The following MYH7B variants were observed in gnomAD, a reference collection of about 807,000 sequenced individuals.
MYH7B encodes myosin heavy chain 7B, also known as myosin-7B.
In MYH7B, 205 loss-of-function variants were observed where a neutral mutation model predicts 234.5. That is an observed-to-expected ratio of 0.87 (90% CI 0.78 to 0.98). The LOEUF (loss-of-function observed/expected upper bound fraction) is 0.98, where lower values mean the gene tolerates loss of function less well. Ranked by LOEUF, MYH7B falls within the 50% of genes least tolerant of loss-of-function variation. The pLI is 0.00. For synonymous variants in MYH7B, 1,193 were observed against 1,105.0 expected (o/e 1.08, Z -1.58); for missense variants, 2,652 against 2,633.4 (o/e 1.01, Z -0.15).
Position 34,981,063 on chromosome 20 carries a change from G to C in MYH7B, c.527+3G>C, listed in dbSNP as rs1304046749. 6.2e-7 allele frequency: 1 copy of C among 1,613,866 alleles called. No individual in the cohort carries two copies. Among genetic ancestry groups the C allele is most frequent in the Non-Finnish European group, 8.5e-7 (1 of 1,179,962 alleles). ...GACAACCAGTCCATGCTGATCACGT[G>C]AGTGTGGGGCTCTGGGGGTGGGGTG... On this transcript the variant is annotated splice_donor_region_variant and intron_variant, in intron 9 of 44. Transcript: ENST00000262873.
intron 2 of MYH7B, among the ~76,000 whole-genome samples, chr20:34,972,816 G>C (rs78046502): frequency 6.6e-6 from 1 of 152,078 alleles, no homozygotes; most frequent in East Asian, 1.9e-4. Context: ...ATTTTTTGTC[G>C]AGACAGGGTC....
intron 24 of MYH7B, among the ~76,000 whole-genome samples, chr20:34,991,550 C>T (rs1464281698): frequency 6.6e-6 from 1 of 152,168 alleles, no homozygotes; most frequent in Non-Finnish European, 1.5e-5. Flanking sequence ...CTCCAGCAGA[C>T]ATCCTAGAAA....
chr20:34,978,845 A>G (rs986908112), intron 5 of MYH7B, among the ~76,000 whole-genome samples: 2 of 152,210 alleles, frequency 1.3e-5, no homozygotes, highest in Non-Finnish European at 2.9e-5. Context: ...TTGGCAGAGC[A>G]GGGGACACAA....
chr20:34,988,593 A>G (rs1049426086), intron 19 of MYH7B, among the ~76,000 whole-genome samples: 1 of 152,124 alleles, frequency 6.6e-6, no homozygotes, highest in Admixed American at 6.5e-5. Flanking sequence ...ATTTGCAGCC[A>G]CAATTTCACT....
intron 10 of MYH7B, among the ~76,000 whole-genome samples, chr20:34,983,245 TTTTC>T (rs147855925): frequency 0.078 from 11,721 of 150,068 alleles, 541 homozygotes; most frequent in South Asian, 0.12. Flanking sequence ...TTTTCCCCTG[TTTTC>T]TTTCTTTCTT....
Position 34,995,895 on chromosome 20 carries a change from G to A in MYH7B, c.2943+317G>A, listed in dbSNP as rs55792693. On this transcript the variant is annotated intron_variant, in intron 28 of 44. Transcript: ENST00000262873. ...AGCCCCTTGAGGGCAGGAACTCCAT[G>A]TCCCCAGCTCGGCATCCCGCAGGTG... is the stretch of plus-strand genomic sequence containing the variant. 2.3e-3 allele frequency among the ~76,000 whole-genome samples: 352 copies of A among 152,354 alleles called. 2 individuals are homozygous for A. The highest frequency in any genetic ancestry group is 8.1e-3 in the African/African-American group (338 of 41,586).
At chr20:34,980,848 C>T in intron 8 of MYH7B, 114 bp downstream of exon 8, 1 of 1,513,836 alleles carries the variant, frequency 6.6e-7, no homozygotes, top group East Asian at 2.3e-5. Context: ...CGCTGCTGGA[C>T]ATGGTCGCCC....
Position 35,001,838 on chromosome 20 carries a change from G to A in MYH7B, c.5677-110G>A. On this transcript the variant is annotated intron_variant, in intron 43 of 44. Transcript: ENST00000262873. ...TGGTGAGGATGGACAGTGGCAATAGGAACAAAGTTGAGAACCAGGAGGAGC... is the reference window on the plus strand; with the variant it reads ...TGGTGAGGATGGACAGTGGCAATAGAAACAAAGTTGAGAACCAGGAGGAGC... The A allele has an allele frequency of 3.3e-6, 5 of 1,493,440 alleles. No individual in the cohort carries two copies. The South Asian group carries it at 6.5e-5, about 20-fold the overall frequency. The allele number at this position is 1,493,440 out of a possible 1,614,324, so 92.5% of individuals were successfully genotyped here.
intron 2 of MYH7B, among the ~76,000 whole-genome samples, chr20:34,959,354 C>T (rs979983746): frequency 2.6e-5 from 4 of 152,114 alleles, no homozygotes; most frequent in African/African-American, 4.8e-5. Flanking sequence ...CTGAAGATTC[C>T]GGAGCAGAGG....
At chr20:34,988,861 G>A (rs898439733) in intron 19 of MYH7B, among the ~76,000 whole-genome samples, 5 of 139,474 alleles carry the variant, frequency 3.6e-5, no homozygotes, top group Non-Finnish European at 7.5e-5. Context: ...CCAGGCTGGA[G>A]TACAATGGCA....
exon 8 of MYH7B, chr20:34,980,721 C>G: frequency 6.2e-7 from 1 of 1,614,086 alleles, no homozygotes; most frequent in Non-Finnish European, 8.5e-7. Flanking sequence ...ACGCCTACAA[C>G]GACATGCTGC....
At chr20:34,980,473 G>A in intron 7 of MYH7B, 105 bp from the exon 8 acceptor site, 2 of 1,018,848 alleles carry the variant, frequency 2.0e-6, no homozygotes, top group Admixed American at 3.8e-5. Context: ...AGGAGGCGGA[G>A]GTTGCGGTGA....
At chr20:34,982,316 C>A in intron 9 of MYH7B, 143 bp from the exon 10 acceptor site, 1 of 691,656 alleles carries the variant, frequency 1.4e-6, no homozygotes, top group Non-Finnish European at 2.6e-6. Flanking sequence ...TTGCTTTGTA[C>A]ACCTCTGAGG....
intron 9 of MYH7B, 36 bp from the exon 10 acceptor site, chr20:34,982,423 G>A (rs555688377): frequency 3.3e-5 from 53 of 1,593,082 alleles, no homozygotes; most frequent in Non-Finnish European, 4.5e-5. Context: ...AATTAGGCCA[G>A]ATGGGCATTG....
chr20:34,989,027 C>G (rs2082088970), intron 19 of MYH7B, among the ~76,000 whole-genome samples: 1 of 152,198 alleles, frequency 6.6e-6, no homozygotes, highest in Admixed American at 6.5e-5. Flanking sequence ...CCAGGCTGGT[C>G]TCGAACTCCT....
chr20:34,995,549 GAGA>G (rs991474622), exon 28 of MYH7B: 8 of 1,613,966 alleles, frequency 5.0e-6, no homozygotes, highest in Admixed American at 3.3e-5. Flanking sequence ...GGCCAAAGCT[GAGA>G]AGGAGAAGCA....
rs962124823 is a variant in MYH7B, at chr20:34,987,062, G to T, written c.1008+73G>T. The T allele has an allele frequency of 8.1e-6, 13 of 1,609,444 alleles. No homozygotes were observed. The African/African-American group carries it at 1.5e-4, about 18-fold the overall frequency. On this transcript the variant is annotated intron_variant, in intron 15 of 44. Transcript: ENST00000262873. ...TCGGGCAGCACTGCCGGTGCCCCCA[G>T]CTGCATGAATGGTCCCGGGGCAGTG...
In MYH7B at chr20:34,960,232, T is replaced by G. The variant is rs146671827; in HGVS notation, c.-222+2020T>G. Among the ~76,000 whole-genome samples, 1,380 of 151,766 alleles carry G rather than the reference T, an allele frequency of 9.1e-3. 17 individuals are homozygous for G. The highest frequency in any genetic ancestry group is 0.031 in the African/African-American group (1,287 of 41,288). Reference sequence around the variant, plus strand: ...CCTCTCTCCAAGTCTGGACTGTGGGTTTTTTTTGTTTTTGTTTTTTTGAGA... The same window carrying G: ...CCTCTCTCCAAGTCTGGACTGTGGGGTTTTTTTGTTTTTGTTTTTTTGAGA... On this transcript the variant is annotated intron_variant, in intron 2 of 44. Transcript: ENST00000262873.
At chr20:34,980,872 C>G (rs2081932116) in intron 8 of MYH7B, 138 bp downstream of exon 8, 1 of 1,488,830 alleles carries the variant, frequency 6.7e-7, no homozygotes, top group South Asian at 1.2e-5. Context: ...CGTTCTGTCC[C>G]TCCGCATGGG....
Sources: allele counts gnomAD v4.1 joint callset (sites outside exome capture counted in the v4.1 genomes callset), GRCh38; gene constraint gnomAD v4.1.1; transcripts MANE v1.5; gene names NCBI Gene and HGNC (gene_info 2026-07-23, HGNC 2026-07-21).